DROSHA: variants seen among roughly 807,000 people sequenced by gnomAD.
DROSHA encodes drosha ribonuclease III.
In DROSHA, 56 loss-of-function variants were observed where a neutral mutation model predicts 181.9. That is an observed-to-expected ratio of 0.31 (90% CI 0.25 to 0.38). The LOEUF (loss-of-function observed/expected upper bound fraction) is 0.38. Among genes scored for constraint, DROSHA ranks in the 10% least tolerant of loss-of-function variants. DROSHA has a pLI of 1.00. For synonymous variants in DROSHA, 524 were observed against 591.2 expected (o/e 0.89, Z 1.65); for missense variants, 1,218 against 1,743.5 (o/e 0.70, Z 5.37).
intron 30 of DROSHA, among the ~76,000 whole-genome samples, chr5:31,412,267 A>G (rs1272799436): frequency 6.6e-6 from 1 of 152,222 alleles, no homozygotes; most frequent in East Asian, 1.9e-4. Context: ...TTGGGAGAGT[A>G]ATGCATCTAC....
intron 20 of DROSHA, among the ~76,000 whole-genome samples, chr5:31,452,710 G>T (rs1338606483): frequency 6.6e-6 from 1 of 152,164 alleles, no homozygotes; most frequent in Non-Finnish European, 1.5e-5. Context: ...TATAAAGAAA[G>T]ATTCATTCTA....
At chr5:31,433,949 C>T (rs1744501056) in intron 25 of DROSHA, among the ~76,000 whole-genome samples, 1 of 152,226 alleles carries the variant, frequency 6.6e-6, no homozygotes, top group Non-Finnish European at 1.5e-5. Flanking sequence ...TCATTAGATT[C>T]TCAAAGGGGT....
At chr5:31,410,398 C>T (rs1439840610) in intron 31 of DROSHA, among the ~76,000 whole-genome samples, 1 of 152,146 alleles carries the variant, frequency 6.6e-6, no homozygotes, top group East Asian at 1.9e-4. Context: ...TTCTTCTGTG[C>T]CCCTATATGA....
In DROSHA at chr5:31,451,552, T is replaced by C; in HGVS notation, c.2663A>G (p.Gln888Arg). The C allele has an allele frequency of 6.2e-7, 1 of 1,611,702 alleles. No homozygotes were observed. The highest frequency in any genetic ancestry group is 8.5e-7 in the Non-Finnish European group (1 of 1,178,900). ...TCTTACCTGCAACAGACAACGATCTTGGAAAGTATATCCTATCAACTTGTC... is the reference window on the plus strand; with the variant it reads ...TCTTACCTGCAACAGACAACGATCTCGGAAAGTATATCCTATCAACTTGTC... ...HLDKLIGYTF[Q>R]DRCLLQLAMT... Residue 888 changes from glutamine (Q) to arginine (R), a missense_variant, in exon 21 of 36, where the codon CAA (glutamine) becomes CGA (arginine). By Grantham distance (43) the Gln-to-Arg change is conservative. Around this residue, in one of 8 missense-constraint regions of DROSHA, gnomAD observed 460 missense variants for 774.2 expected, o/e 0.59. Coordinates refer to ENST00000344624, the MANE Select transcript of DROSHA (RefSeq NM_001382508.1).
At chr5:31,460,250 A>T (rs1285339871) in intron 20 of DROSHA, among the ~76,000 whole-genome samples, 1 of 152,198 alleles carries the variant, frequency 6.6e-6, no homozygotes, top group Non-Finnish European at 1.5e-5. Flanking sequence ...GCAGCAACAC[A>T]GAAAAAATTC....
intron 11 of DROSHA, among the ~76,000 whole-genome samples, chr5:31,500,486 A>T (rs1190015735): frequency 6.6e-6 from 1 of 152,240 alleles, no homozygotes; most frequent in Non-Finnish European, 1.5e-5. Context: ...GCAAAGCTGA[A>T]ATACCGGAAT....
At chr5:31,461,798 C>T (rs143143566) in intron 20 of DROSHA, among the ~76,000 whole-genome samples, 148 of 151,346 alleles carry the variant, frequency 9.8e-4, no homozygotes, top group Middle Eastern at 6.8e-3. Flanking sequence ...TAGGTTGCTC[C>T]CGTGTCATGA....
At chr5:31,528,220 A>G (rs1740825516) in intron 4 of DROSHA, among the ~76,000 whole-genome samples, 1 of 152,052 alleles carries the variant, frequency 6.6e-6, no homozygotes, top group Non-Finnish European at 1.5e-5. Flanking sequence ...ATTGACATCA[A>G]TCTGTCAGAA....
intron 27 of DROSHA, among the ~76,000 whole-genome samples, chr5:31,429,198 A>C (rs1242286992): frequency 6.6e-6 from 1 of 152,206 alleles, no homozygotes; most frequent in Non-Finnish European, 1.5e-5. Context: ...CTTCAAAATG[A>C]AGCGAAGTCC....
chr5:31,491,623 G>GT (rs1752421308), intron 13 of DROSHA, among the ~76,000 whole-genome samples: 1 of 151,798 alleles, frequency 6.6e-6, no homozygotes, highest in Admixed American at 6.6e-5. Flanking sequence ...GCAGTAGATG[G>GT]TGGGGGGTGG....
chr5:31,485,928 G>T (rs755668373), intron 14 of DROSHA, among the ~76,000 whole-genome samples: 1 of 152,172 alleles, frequency 6.6e-6, no homozygotes, highest in African/African-American at 2.4e-5. Flanking sequence ...TTCTTAGTAT[G>T]ATTTGTTGAC....
chr5:31,525,857 T>C (rs1219200598), intron 5 of DROSHA, among the ~76,000 whole-genome samples: 1 of 152,248 alleles, frequency 6.6e-6, no homozygotes, highest in Non-Finnish European at 1.5e-5. Flanking sequence ...GAAATGAATC[T>C]ACACTGATAT....
intron 14 of DROSHA, among the ~76,000 whole-genome samples, chr5:31,485,980 C>T (rs1230109548): frequency 1.3e-5 from 2 of 152,214 alleles, no homozygotes; most frequent in African/African-American, 4.8e-5. Flanking sequence ...TTCTGAGATT[C>T]ACATTAATCT....
At chr5:31,448,436 C>A in intron 23 of DROSHA, 111 bp downstream of exon 23, 1 of 932,010 alleles carries the variant, frequency 1.1e-6, no homozygotes, top group South Asian at 1.5e-5. Flanking sequence ...GCCATGGATA[C>A]ACAATTTTGT....
At chr5:31,528,637 C>A (rs1252370653) in intron 4 of DROSHA, among the ~76,000 whole-genome samples, 1 of 152,168 alleles carries the variant, frequency 6.6e-6, no homozygotes, top group Non-Finnish European at 1.5e-5. Flanking sequence ...TCTTACATGG[C>A]TATTATAATA....
At chr5:31,405,762 AGATTC>A in intron 34 of DROSHA, 39 bp from the exon 35 acceptor site, 1 of 1,018,802 alleles carries the variant, frequency 9.8e-7, no homozygotes, top group Non-Finnish European at 1.4e-6. Context: ...TTTAATTTCA[AGATTC>A]TTTTTTTTTT....
intron 11 of DROSHA, among the ~76,000 whole-genome samples, chr5:31,496,505 C>A (rs1465473811): frequency 6.6e-6 from 1 of 152,216 alleles, no homozygotes; most frequent in Non-Finnish European, 1.5e-5. Flanking sequence ...GTGCCCCAGT[C>A]CCATGGAGGT....
intron 16 of DROSHA, among the ~76,000 whole-genome samples, chr5:31,476,917 T>C (rs73749967): frequency 0.013 from 2,031 of 152,326 alleles, 49 homozygotes; most frequent in African/African-American, 0.046. Flanking sequence ...ATTGGCTCTT[T>C]TGGTTTGTCT....
At chr5:31,497,958 T>A (rs2150046368) in intron 11 of DROSHA, among the ~76,000 whole-genome samples, 1 of 152,350 alleles carries the variant, frequency 6.6e-6, no homozygotes, top group South Asian at 2.1e-4. Context: ...AGGAGGGTCT[T>A]CATCCAGAGA....
Sources: allele counts gnomAD v4.1 joint callset (sites outside exome capture counted in the v4.1 genomes callset), GRCh38; gene constraint gnomAD v4.1.1; regional missense constraint gnomAD v4.1.1; transcripts MANE v1.5; gene names NCBI Gene and HGNC (gene_info 2026-07-23, HGNC 2026-07-21).